The following TXNDC16 variants were observed in gnomAD, a reference collection of about 807,000 sequenced individuals.
TXNDC16 encodes thioredoxin domain containing 16.
Under a neutral mutation model 85.6 loss-of-function variants are expected in TXNDC16, and 74 were observed. The observed-to-expected ratio is 0.86, with a 90% CI of 0.72 to 1.05. The LOEUF (loss-of-function observed/expected upper bound fraction) is 1.05, where lower values mean the gene tolerates loss of function less well. Ranked by LOEUF, TXNDC16 falls within the 50% of genes least tolerant of loss-of-function variation. The probability of loss-of-function intolerance (pLI) is 0.00; values close to 1 mark genes in which losing one functional copy is unlikely to be tolerated. For missense variants in TXNDC16, 959 were observed against 947.0 expected (o/e 1.01, Z -0.17); for synonymous variants, 335 against 326.5 (o/e 1.03, Z -0.28).
chr14:52,435,358 T>C (rs539837004), intron 20 of TXNDC16, among the ~76,000 whole-genome samples: 235 of 151,312 alleles, frequency 1.6e-3, no homozygotes, highest in African/African-American at 5.5e-3. Flanking sequence ...TCACTGCAGC[T>C]ACAACATGAC....
At chr14:52,473,723 C>A (rs1369573555) in intron 14 of TXNDC16, among the ~76,000 whole-genome samples, 8 of 152,130 alleles carry the variant, frequency 5.3e-5, no homozygotes, top group African/African-American at 1.7e-4. Context: ...AAAGAAAAAA[C>A]AGATTATCTT....
intron 14 of TXNDC16, among the ~76,000 whole-genome samples, chr14:52,480,776 G>C (rs1043199960): frequency 1.3e-5 from 2 of 151,736 alleles, no homozygotes; most frequent in Non-Finnish European, 2.9e-5. Context: ...ATTCCTTAAA[G>C]AACTAAAAGG....
At chr14:52,502,523 A>T (rs2036683082) in intron 9 of TXNDC16, among the ~76,000 whole-genome samples, 1 of 152,242 alleles carries the variant, frequency 6.6e-6, no homozygotes, top group South Asian at 2.1e-4. Flanking sequence ...GTAAAACCAC[A>T]CTTAACTGAA....
intron 10 of TXNDC16, 60 bp downstream of exon 10, chr14:52,490,779 T>C: frequency 6.5e-7 from 1 of 1,538,734 alleles, no homozygotes; most frequent in Non-Finnish European, 8.8e-7. Context: ...TACCATATTT[T>C]AAAACGTGGA....
At position 52,536,805 on chromosome 14, in the gene TXNDC16, T is replaced by C; in HGVS notation, c.318-12A>G. 6.3e-7 allele frequency: 1 copy of C among 1,590,570 alleles called. No homozygotes were observed. The highest frequency in any genetic ancestry group is 1.7e-5 in the Admixed American group (1 of 58,356). On this transcript the variant is annotated splice_polypyrimidine_tract_variant and intron_variant, in intron 5 of 20. Coordinates refer to ENST00000281741, the MANE Select transcript of TXNDC16 (RefSeq NM_020784.3). Reference sequence around the variant, plus strand: ...GCAATATGTTGCCCCTATAAAAAGTTTAAAAACATATTAATATTGAAAAAT... The same window carrying C: ...GCAATATGTTGCCCCTATAAAAAGTCTAAAAACATATTAATATTGAAAAAT...
At chr14:52,545,550 C>T (rs2037923963) in intron 1 of TXNDC16, among the ~76,000 whole-genome samples, 1 of 151,964 alleles carries the variant, frequency 6.6e-6, no homozygotes, top group Non-Finnish European at 1.5e-5. Flanking sequence ...TTAACCAAAA[C>T]CATAACAACT....
chr14:52,512,518 G>A (rs1417673331), intron 8 of TXNDC16, among the ~76,000 whole-genome samples: 1 of 152,168 alleles, frequency 6.6e-6, no homozygotes, highest in Admixed American at 6.6e-5. Context: ...GGAGATTCCT[G>A]AATAGTCACA....
At chr14:52,460,863 C>A (rs1476218814) in intron 16 of TXNDC16, among the ~76,000 whole-genome samples, 1 of 151,942 alleles carries the variant, frequency 6.6e-6, no homozygotes, top group Non-Finnish European at 1.5e-5. Flanking sequence ...AATTTATGTG[C>A]AAAAGAGAAA....
intron 18 of TXNDC16, among the ~76,000 whole-genome samples, chr14:52,447,495 G>C (rs1041992444): frequency 6.6e-6 from 1 of 152,188 alleles, no homozygotes; most frequent in African/African-American, 2.4e-5. Flanking sequence ...GTCTGACACA[G>C]CACAGTGCCA....
At chr14:52,539,965 C>G (rs10145120) in intron 4 of TXNDC16, among the ~76,000 whole-genome samples, 2 of 151,904 alleles carry the variant, frequency 1.3e-5, no homozygotes, top group African/African-American at 2.4e-5. Context: ...TTGTACTTTA[C>G]GTTTTTTTTC....
intron 19 of TXNDC16, among the ~76,000 whole-genome samples, chr14:52,440,079 AAT>A (rs1206801081): frequency 3.3e-5 from 5 of 152,204 alleles, no homozygotes; most frequent in African/African-American, 1.2e-4. Flanking sequence ...TTAAAGAATA[AAT>A]ATGTCTTTCA....
intron 6 of TXNDC16, among the ~76,000 whole-genome samples, chr14:52,533,363 C>T (rs889819980): frequency 6.6e-6 from 1 of 152,178 alleles, no homozygotes; most frequent in Non-Finnish European, 1.5e-5. Context: ...AATTTTACCT[C>T]CTAAGCATTA....
rs771712283 is a variant in TXNDC16 at position 52,543,536 on chromosome 14, A to G, written c.22T>C (p.Phe8Leu). ...ATGACAAAAGAGATCCCAACTCTAA[A>G]GACATTGAAGCCGGAAAACATTATC... MFSGFNVFRVGISFVIMC... is the reference protein window; with the variant it reads MFSGFNVLRVGISFVIMC... The change falls in exon 3 of 21, where the codon TTT (phenylalanine) becomes CTT (leucine). Residue 8 changes from phenylalanine (F) to leucine (L), a missense_variant. Phe to Leu is a conservative substitution (Grantham distance 22, BLOSUM62 0). Coordinates refer to ENST00000281741, the MANE Select transcript of TXNDC16 (RefSeq NM_020784.3). 6.2e-7 allele frequency: 1 copy of G among 1,613,258 alleles called. No homozygotes were observed. Among genetic ancestry groups the G allele is most frequent in the Non-Finnish European group, 8.5e-7 (1 of 1,179,632 alleles).
In TXNDC16 at chr14:52,432,252, T is replaced by C. The variant is rs2034915923; in HGVS notation, c.*52A>G. ...GATTTAATATTATTCTTTAAGGAAATAAATTAAGTCTATCATGCCAAAAAA... is the reference window on the plus strand; with the variant it reads ...GATTTAATATTATTCTTTAAGGAAACAAATTAAGTCTATCATGCCAAAAAA... On this transcript the variant is annotated 3_prime_UTR_variant, in exon 21 of 21. Coordinates refer to ENST00000281741, the MANE Select transcript of TXNDC16 (RefSeq NM_020784.3). The C allele has an allele frequency of 1.5e-5, 22 of 1,474,400 alleles. 1 individual carries two copies. In the South Asian group the frequency reaches 3.1e-4, roughly 20 times the overall value. 91.3% of individuals were successfully genotyped at this position (1,474,400 alleles called of 1,614,324 possible).
At chr14:52,469,956 T>C in intron 16 of TXNDC16, 81 bp downstream of exon 16, 1 of 1,328,200 alleles carries the variant, frequency 7.5e-7, no homozygotes. Flanking sequence ...TCTCTATAAT[T>C]TAAAAAGATA....
intron 6 of TXNDC16, among the ~76,000 whole-genome samples, chr14:52,530,519 TAA>T (rs2037531120): frequency 1.7e-4 from 2 of 11,942 alleles, no homozygotes; most frequent in African/African-American, 4.3e-4. Flanking sequence ...TATTATTATA[TAA>T]TATTATATAT....
At chr14:52,432,611 G>A in intron 20 of TXNDC16, 24 bp from the exon 21 acceptor site, 1 of 1,574,300 alleles carries the variant, frequency 6.4e-7, no homozygotes, top group Non-Finnish European at 8.6e-7. Flanking sequence ...ACAATCAAAG[G>A]TTAAAGATTA....
chr14:52,483,050 T>C lies in TXNDC16; in HGVS notation c.1109-85A>G, dbSNP rs947375594. ...TCTTCTCATAGGAAGCATATAATAATTCAGTACTTTATACAAACTTTTGAA... is the reference window on the plus strand; with the variant it reads ...TCTTCTCATAGGAAGCATATAATAACTCAGTACTTTATACAAACTTTTGAA... On this transcript the variant is annotated intron_variant, in intron 12 of 20. Coordinates refer to ENST00000281741, the MANE Select transcript of TXNDC16 (RefSeq NM_020784.3). 3 of 1,138,854 alleles carry C rather than the reference T, an allele frequency of 2.6e-6. No individual in the cohort carries two copies. In the African/African-American group the frequency reaches 4.8e-5, roughly 18 times the overall value. 70.5% of individuals were successfully genotyped at this position (1,138,854 alleles called of 1,614,324 possible).
chr14:52,491,411 T>A (rs1352556086), intron 9 of TXNDC16, among the ~76,000 whole-genome samples: 1 of 148,132 alleles, frequency 6.8e-6, no homozygotes, highest in East Asian at 2.0e-4. Context: ...TTGCCCAGGC[T>A]GGTCTTGAAC....
Sources: gnomAD v4.1 joint callset for allele counts (sites outside exome capture counted in the v4.1 genomes callset) on GRCh38, gnomAD v4.1.1 for gene constraint, MANE v1.5 for transcripts, NCBI Gene and HGNC (gene_info 2026-07-23, HGNC 2026-07-21) for gene names.